Variants in PPP2R5A observed in about 807,000 individuals in gnomAD.
PPP2R5A encodes protein phosphatase 2 regulatory subunit B'alpha.
A neutral mutation model predicts 64.2 loss-of-function variants in PPP2R5A; 25 were observed. That is an observed-to-expected ratio of 0.39 (90% confidence interval 0.28 to 0.54). The LOEUF (loss-of-function observed/expected upper bound fraction) is 0.54. Ranked by LOEUF, PPP2R5A falls within the 20% of genes least tolerant of loss-of-function variation. The pLI, the probability that PPP2R5A is intolerant of heterozygous loss-of-function variation, is 0.67. For synonymous variants in PPP2R5A, 198 were observed against 201.2 expected, an observed-to-expected ratio of 0.98 and a Z score of 0.13; for missense variants, 425 against 576.3, an observed-to-expected ratio of 0.74 and a Z score of 2.69.
At chr1:212,308,495 G>A (rs6540736) in intron 1 of PPP2R5A, among the ~76,000 whole-genome samples, 80,502 of 150,112 alleles carry the variant, frequency 0.54, 21,815 homozygotes, top group South Asian at 0.62. Context: ...TGCAACCTGT[G>A]CCTCTCAGGT....
intron 1 of PPP2R5A, among the ~76,000 whole-genome samples, chr1:212,305,917 T>C (rs1658891779): frequency 6.6e-6 from 1 of 152,170 alleles, no homozygotes; most frequent in Non-Finnish European, 1.5e-5. Context: ...GGAGTGGCTA[T>C]ACTAATGTTA....
chr1:212,285,913 C>G lies in PPP2R5A; in HGVS notation c.-198C>G, dbSNP rs893234546. 1.1e-5 allele frequency: 5 copies of G among 472,588 alleles called. No homozygotes were observed. The highest frequency in any genetic ancestry group is 3.8e-5 in the East Asian group (1 of 26,356). 29.3% of individuals were successfully genotyped at this position (472,588 alleles called of 1,614,324 possible). ...GCCGCGCGCCGGGGACCAGGAACCTCCAGCGCTGAGATGTGGCCGTGAGGC... is the reference window on the plus strand; with the variant it reads ...GCCGCGCGCCGGGGACCAGGAACCTGCAGCGCTGAGATGTGGCCGTGAGGC... On this transcript the variant is annotated 5_prime_UTR_variant, in exon 1 of 13. Transcript: ENST00000261461.
At chr1:212,347,487 A>T in intron 6 of PPP2R5A, 81 bp downstream of exon 6, 3 of 1,058,402 alleles carry the variant, frequency 2.8e-6, no homozygotes, top group Non-Finnish European at 4.3e-6. Context: ...GGGTTGGAGA[A>T]ATTATGTCAT....
Position 212,286,903 on chromosome 1 carries a change from A to C in PPP2R5A, c.181+612A>C, listed in dbSNP as rs566926365. Among the ~76,000 whole-genome samples, 8 of 152,336 alleles carry C rather than the reference A, an allele frequency of 5.3e-5. No homozygotes were observed. In the East Asian group the frequency reaches 1.5e-3, roughly 29 times the overall value. On this transcript the variant is annotated intron_variant, in intron 1 of 12. Coordinates refer to ENST00000261461, the MANE Select transcript of PPP2R5A (RefSeq NM_006243.4). Reference sequence around the variant, plus strand: ...ATTTGACCAGTGTAGTATCTTATTCACAGGATCGTTAGCTTTAAATGGTAT... The same window carrying C: ...ATTTGACCAGTGTAGTATCTTATTCCCAGGATCGTTAGCTTTAAATGGTAT...
chr1:212,307,946 GTTATCTTCT>G (rs1490656457), intron 1 of PPP2R5A, among the ~76,000 whole-genome samples: 1 of 152,090 alleles, frequency 6.6e-6, no homozygotes, highest in Non-Finnish European at 1.5e-5. Flanking sequence ...CTGAGCTCAA[GTTATCTTCT>G]TGCCTCAGCC....
chr1:212,321,069 A>AC (rs1285292900), intron 1 of PPP2R5A, among the ~76,000 whole-genome samples: 4 of 52,146 alleles, frequency 7.7e-5, no homozygotes, highest in African/African-American at 2.5e-4. Flanking sequence ...CGGGGGGCTG[A>AC]CCCCCCCGCC....
chr1:212,288,572 A>T (rs1429299808), intron 1 of PPP2R5A, among the ~76,000 whole-genome samples: 1 of 152,206 alleles, frequency 6.6e-6, no homozygotes, highest in Admixed American at 6.5e-5. Flanking sequence ...TTACAAACTA[A>T]TAGGAACAAC....
chr1:212,356,815 C>CTA, intron 9 of PPP2R5A, 135 bp from the exon 10 acceptor site: 5 of 1,255,724 alleles, frequency 4.0e-6, no homozygotes, highest in Middle Eastern at 1.9e-4. Flanking sequence ...AAGACCTGTG[C>CTA]TATAGTAAAC....
At chr1:212,347,326 T>C (rs1437519502) in intron 5 of PPP2R5A, 21 bp from the exon 6 acceptor site, 1 of 1,512,508 alleles carries the variant, frequency 6.6e-7, no homozygotes, top group Non-Finnish European at 9.1e-7. Flanking sequence ...TGATTACATC[T>C]TGTCTTTATT....
chr1:212,335,120 T>C (rs567718920), intron 3 of PPP2R5A, among the ~76,000 whole-genome samples: 3 of 152,108 alleles, frequency 2.0e-5, no homozygotes, highest in Non-Finnish European at 4.4e-5. Flanking sequence ...ATTAATTTGC[T>C]GATTTTTTTT....
chr1:212,316,629 ATTC>A (rs909205102), intron 1 of PPP2R5A, among the ~76,000 whole-genome samples: 39 of 34,496 alleles, frequency 1.1e-3, no homozygotes, highest in African/African-American at 3.9e-3. Flanking sequence ...GAAAGCTTTT[ATTC>A]TTCTCTCCTG....
chr1:212,351,075 C>T (rs1420484004), intron 8 of PPP2R5A, among the ~76,000 whole-genome samples: 6 of 144,634 alleles, frequency 4.1e-5, no homozygotes, highest in African/African-American at 1.5e-4. Context: ...ACCCTGGAGG[C>T]GGAGGTTACA....
At position 212,288,928 on chromosome 1, in the gene PPP2R5A, T is replaced by C. The variant is rs141553478; in HGVS notation, c.181+2637T>C. Among the ~76,000 whole-genome samples the C allele has an allele frequency of 9.2e-5, 14 of 152,334 alleles. No individual in the cohort carries two copies. In the Middle Eastern group the frequency reaches 0.01, roughly 111 times the overall value. On this transcript the variant is annotated intron_variant, in intron 1 of 12. Transcript: ENST00000261461. ...GTGCCAACTAGTTTTCCTCAAACCATAGTAAGGATTAACAAAATAATCCAG... is the reference window on the plus strand; with the variant it reads ...GTGCCAACTAGTTTTCCTCAAACCACAGTAAGGATTAACAAAATAATCCAG...
At chr1:212,320,757 G>A (rs1268131325) in intron 1 of PPP2R5A, among the ~76,000 whole-genome samples, 1 of 141,038 alleles carries the variant, frequency 7.1e-6, no homozygotes, top group Non-Finnish European at 1.6e-5. Context: ...CAGTAGGGGC[G>A]GCCGGGCAGA....
At chr1:212,293,093 A>G (rs1192642976) in intron 1 of PPP2R5A, among the ~76,000 whole-genome samples, 2 of 152,214 alleles carry the variant, frequency 1.3e-5, no homozygotes, top group Non-Finnish European at 2.9e-5. Context: ...ACAACAACAA[A>G]ATAAGGTGGG....
At chr1:212,357,991 T>A (rs1230764406) in intron 11 of PPP2R5A, 4 of 152,392 alleles carry the variant, frequency 2.6e-5, no homozygotes, top group Non-Finnish European at 5.9e-5. Context: ...TTTGGACAGT[T>A]GAAGTCTCAC....
intron 1 of PPP2R5A, among the ~76,000 whole-genome samples, chr1:212,304,883 C>T (rs1302755841): frequency 6.6e-6 from 1 of 151,622 alleles, no homozygotes; most frequent in East Asian, 2.0e-4. Context: ...CAGGCACACA[C>T]CACCATGCCT....
chr1:212,329,364 T>C (rs772773611), intron 2 of PPP2R5A, 33 bp downstream of exon 2: 4 of 1,436,502 alleles, frequency 2.8e-6, no homozygotes, highest in African/African-American at 1.5e-5. Context: ...CTCAGATTTA[T>C]GTAAATTTAA....
At chr1:212,302,101 A>G (rs2102414994) in intron 1 of PPP2R5A, 2 of 1,509,740 alleles carry the variant, frequency 1.3e-6, no homozygotes, top group East Asian at 2.5e-5. Flanking sequence ...GAGTATGTAT[A>G]TTAAGATTTC....
Sources: allele counts gnomAD v4.1 joint callset (sites outside exome capture counted in the v4.1 genomes callset), GRCh38; gene constraint gnomAD v4.1.1; transcripts MANE v1.5; gene names NCBI Gene and HGNC (gene_info 2026-07-23, HGNC 2026-07-21).